PEX14: variants seen among roughly 807,000 people sequenced by gnomAD.
PEX14 encodes peroxisomal membrane protein PEX14.
A neutral mutation model predicts 49.5 loss-of-function variants in PEX14; 15 were observed. The observed-to-expected ratio is 0.30, with a 90% CI of 0.20 to 0.47. PEX14 has a LOEUF of 0.47. Among genes scored for constraint, PEX14 ranks in the 20% least tolerant of loss-of-function variants. The probability of loss-of-function intolerance (pLI) is 1.00; values close to 1 mark genes in which losing one functional copy is unlikely to be tolerated. For synonymous variants in PEX14, 210 were observed against 212.7 expected, an observed-to-expected ratio of 0.99 and a Z score of 0.11; for missense variants, 398 against 494.8, an observed-to-expected ratio of 0.80 and a Z score of 1.86.
chr1:10,487,569 C>G (rs949775317), intron 1 of PEX14, among the ~76,000 whole-genome samples: 10 of 140,880 alleles, frequency 7.1e-5, no homozygotes, highest in Non-Finnish European at 3.0e-5. Context: ...ACTGCAACCT[C>G]TACCTCCCAG....
At chr1:10,520,148 C>CTTTTTTTTTTTTTTTT (rs565247030) in intron 2 of PEX14, among the ~76,000 whole-genome samples, 3,153 of 68,586 alleles carry the variant, frequency 0.046, 153 homozygotes, top group East Asian at 0.086. Context: ...CCTTCTTCTT[C>CTTTTTTTTTTTTTTTT]TTTTTTTTTT....
At chr1:10,585,854 C>A (rs1640469421) in intron 3 of PEX14, among the ~76,000 whole-genome samples, 1 of 152,156 alleles carries the variant, frequency 6.6e-6, no homozygotes, top group Non-Finnish European at 1.5e-5. Flanking sequence ...GGAGATCACG[C>A]CACTGCACTC....
At chr1:10,527,776 T>G (rs1638533824) in intron 2 of PEX14, among the ~76,000 whole-genome samples, 1 of 151,950 alleles carries the variant, frequency 6.6e-6, no homozygotes, top group African/African-American at 2.4e-5. Flanking sequence ...CAGGTTCAAG[T>G]AATTCTCATG....
At chr1:10,551,112 A>G (rs1639321735) in intron 3 of PEX14, among the ~76,000 whole-genome samples, 1 of 152,182 alleles carries the variant, frequency 6.6e-6, no homozygotes, top group Non-Finnish European at 1.5e-5. Flanking sequence ...GAGAGGTCGA[A>G]TGGTTACATT....
intron 2 of PEX14, among the ~76,000 whole-genome samples, chr1:10,497,418 A>G (rs1375427586): frequency 1.3e-5 from 2 of 152,194 alleles, no homozygotes; most frequent in Non-Finnish European, 2.9e-5. Flanking sequence ...GGCCATGTGT[A>G]TTTGCTGTCT....
At chr1:10,599,791 T>A (rs1640931794) in intron 4 of PEX14, among the ~76,000 whole-genome samples, 1 of 152,170 alleles carries the variant, frequency 6.6e-6, no homozygotes, top group Admixed American at 6.5e-5. Flanking sequence ...AAGTTAATAT[T>A]TGTAAGTTTA....
intron 3 of PEX14, among the ~76,000 whole-genome samples, chr1:10,581,720 TAA>T (rs1016766567): frequency 5.4e-5 from 8 of 149,488 alleles, no homozygotes; most frequent in South Asian, 2.1e-4. Context: ...AAATAATTTA[TAA>T]GTTTATAATA....
At chr1:10,601,394 A>G (rs1640981351) in intron 4 of PEX14, among the ~76,000 whole-genome samples, 1 of 151,966 alleles carries the variant, frequency 6.6e-6, no homozygotes, top group Non-Finnish European at 1.5e-5. Context: ...CACTGTTTTC[A>G]TCCAGCTCAG....
At chr1:10,536,175 A>T in intron 2 of PEX14, 38 bp from the exon 3 acceptor site, 1 of 1,187,120 alleles carries the variant, frequency 8.4e-7, no homozygotes, top group Non-Finnish European at 1.3e-6. Flanking sequence ...CAGACTATTG[A>T]AGTGAAGTTT....
Position 10,623,208 on chromosome 1 carries a change from A to G in PEX14, c.487+87A>G, listed in dbSNP as rs796336887. 1.2e-6 allele frequency: 1 copy of G among 830,898 alleles called. No individual in the cohort carries two copies. The highest frequency in any genetic ancestry group is 1.4e-5 in the South Asian group (1 of 69,784). The allele number at this position is 830,898 out of a possible 1,614,324, so 51.5% of individuals were successfully genotyped here. ...GCCCCTCCCCTCTCCCTCTGTCTCC[A>G]CTCTATGTGGTGACTTCATTTATCT... On this transcript the variant is annotated intron_variant, in intron 6 of 8. Transcript: ENST00000356607. This position sits in a 1 kb window ranked among gnomAD's most constrained non-coding sequence, Gnocchi z 4.4.
chr1:10,615,594 T>C (rs1307503021), intron 4 of PEX14, among the ~76,000 whole-genome samples: 1 of 152,210 alleles, frequency 6.6e-6, no homozygotes, highest in African/African-American at 2.4e-5. Flanking sequence ...GTGGCAGTAT[T>C]TCTCAAAACT....
intron 1 of PEX14, among the ~76,000 whole-genome samples, chr1:10,492,141 AG>A (rs1176664370): frequency 6.6e-6 from 1 of 152,218 alleles, no homozygotes; most frequent in African/African-American, 2.4e-5. Context: ...ATAATTTAAA[AG>A]GTACTAAAGG....
intron 3 of PEX14, among the ~76,000 whole-genome samples, chr1:10,558,070 A>G (rs1253290110): frequency 6.6e-6 from 1 of 152,090 alleles, no homozygotes; most frequent in Non-Finnish European, 1.5e-5. Flanking sequence ...TCATTGCTGT[A>G]CTTGTCTGTT....
chr1:10,508,399 G>A (rs1481467827), intron 2 of PEX14, among the ~76,000 whole-genome samples: 1 of 152,080 alleles, frequency 6.6e-6, no homozygotes, highest in Non-Finnish European at 1.5e-5. Flanking sequence ...AGTAGAGACG[G>A]GGTTTCACTG....
intron 3 of PEX14, among the ~76,000 whole-genome samples, chr1:10,591,492 G>A (rs1476827138): frequency 6.6e-6 from 1 of 152,082 alleles, no homozygotes; most frequent in Non-Finnish European, 1.5e-5. Context: ...TTATTTATTT[G>A]AATCAGAAAT....
At chr1:10,522,373 T>A (rs1638328497) in intron 2 of PEX14, among the ~76,000 whole-genome samples, 1 of 152,218 alleles carries the variant, frequency 6.6e-6, no homozygotes, top group African/African-American at 2.4e-5. Flanking sequence ...GGAAAGTAGA[T>A]TTCAACTCAG....
At chr1:10,596,044 TG>T (rs1640825237) in intron 3 of PEX14, among the ~76,000 whole-genome samples, 2 of 152,232 alleles carry the variant, frequency 1.3e-5, no homozygotes, top group African/African-American at 4.8e-5. Context: ...GGATGTCCTA[TG>T]TTGGCTCCAT....
intron 2 of PEX14, among the ~76,000 whole-genome samples, chr1:10,502,483 T>G (rs1641698962): frequency 1.3e-5 from 2 of 152,208 alleles, no homozygotes; most frequent in South Asian, 4.1e-4. Flanking sequence ...TGTTTCCTCT[T>G]TCAGGTAAAT....
intron 2 of PEX14, among the ~76,000 whole-genome samples, chr1:10,508,995 G>T (rs1454271168): frequency 1.3e-5 from 2 of 151,322 alleles, no homozygotes; most frequent in African/African-American, 4.9e-5. Flanking sequence ...AGAGTGCAGT[G>T]GTGCGATCTC....
Sources: allele counts gnomAD v4.1 joint callset (sites outside exome capture counted in the v4.1 genomes callset), GRCh38; gene constraint gnomAD v4.1.1; non-coding constraint Gnocchi (gnomAD v3.1); transcripts MANE v1.5; gene names NCBI Gene and HGNC (gene_info 2026-07-23, HGNC 2026-07-21).